Variants in ENTPD4 observed in about 807,000 individuals in gnomAD.
ENTPD4 encodes the protein ectonucleoside triphosphate diphosphohydrolase 4.
In ENTPD4, 60 loss-of-function variants were observed where a neutral mutation model predicts 79.1. That is an observed-to-expected ratio of 0.76 (90% confidence interval 0.62 to 0.94). ENTPD4 has a LOEUF of 0.94. Ranked by LOEUF, ENTPD4 falls within the 40% of genes least tolerant of loss-of-function variation. The pLI is 0.00. For missense variants in ENTPD4, 772 were observed against 775.1 expected (o/e 1.00, Z 0.05); for synonymous variants, 276 against 292.0 (o/e 0.95, Z 0.56).
At chr8:23,449,651 A>T (rs1800824509) in intron 2 of ENTPD4, among the ~76,000 whole-genome samples, 1 of 152,210 alleles carries the variant, frequency 6.6e-6, no homozygotes, top group African/African-American at 2.4e-5. Context: ...ATTAGGATTT[A>T]AAAAAATTTC....
intron 10 of ENTPD4, among the ~76,000 whole-genome samples, 194 bp from the exon 11 acceptor site, chr8:23,435,671 T>G (rs1440002068): frequency 1.3e-5 from 2 of 152,236 alleles, no homozygotes; most frequent in Admixed American, 6.5e-5. Context: ...ACACAATGCC[T>G]TGCCTTAAAA....
chr8:23,442,117 T>C (rs1350372420), intron 6 of ENTPD4, 51 bp from the exon 7 acceptor site: 1 of 1,337,130 alleles, frequency 7.5e-7, no homozygotes, highest in Non-Finnish European at 1.1e-6. Flanking sequence ...AAACATTTTG[T>C]GTAACTCCTA....
chr8:23,436,438 C>T (rs1800562221), intron 10 of ENTPD4, among the ~76,000 whole-genome samples: 1 of 151,968 alleles, frequency 6.6e-6, no homozygotes, highest in South Asian at 2.1e-4. Context: ...ATCTAGCAGG[C>T]AACCGGGCAG....
rs117490590 is a variant in ENTPD4, at chr8:23,439,528, C to T, written c.1049+221G>A. 3.1e-3 allele frequency among the ~76,000 whole-genome samples: 470 copies of T among 152,274 alleles called. 2 individuals are homozygous for T. The highest frequency in any genetic ancestry group is 4.9e-3 in the Non-Finnish European group (333 of 68,022). On this transcript the variant is annotated intron_variant, in intron 9 of 12. Transcript: ENST00000358689. ...ATCAGTTGAGATGCGGGTGAGAGAG[C>T]GCACGCACACACCTCCTTCAGGGCA...
rs1224447132 is a variant in ENTPD4, at chr8:23,450,004, C to T, written c.-97-7G>A. On this transcript the variant is annotated splice_region_variant and splice_polypyrimidine_tract_variant and intron_variant, in intron 1 of 12. Coordinates refer to ENST00000358689, the MANE Select transcript of ENTPD4 (RefSeq NM_004901.5). Reference sequence around the variant, plus strand: ...TCACGGAGTTAGAGCCCTCCTGTTCCAGGAAGTGAGACAAATCACAAAGAT... The same window carrying T: ...TCACGGAGTTAGAGCCCTCCTGTTCTAGGAAGTGAGACAAATCACAAAGAT... The T allele has an allele frequency of 2.8e-6, 4 of 1,434,422 alleles. No homozygotes were observed. The highest frequency in any genetic ancestry group is 2.3e-5 in the East Asian group (1 of 43,970). The allele number at this position is 1,434,422 out of a possible 1,614,324, so 88.9% of individuals were successfully genotyped here.
rs368920976 is a variant in ENTPD4 at position 23,433,181 on chromosome 8, A to AT, written c.1623-28_1623-27insA. On this transcript the variant is annotated intron_variant, in intron 12 of 12. Coordinates refer to ENST00000358689, the MANE Select transcript of ENTPD4 (RefSeq NM_004901.5). ...TGCCCATGTGAACACCAAACAACAAACAGGACAGTAAGCAAGGAAAGGGGT... is the reference window on the plus strand; with the variant it reads ...TGCCCATGTGAACACCAAACAACAAATCAGGACAGTAAGCAAGGAAAGGGGT... 8.9e-4 allele frequency: 1,416 copies of AT among 1,595,034 alleles called. 16 individuals are homozygous for AT. In the African/African-American group the frequency reaches 0.017, roughly 19 times the overall value.
Position 23,429,764 on chromosome 8 carries a change from A to T in ENTPD4, c.*3162T>A. On this transcript the variant is annotated 3_prime_UTR_variant, in exon 13 of 13. Transcript: ENST00000358689. ...CCCCATGTTACTGGCCTCAGCCACC[A>T]GCAGCGTCTTCACTCCGCCCAGGTC... 1.0e-6 allele frequency: 1 copy of T among 985,482 alleles called. No homozygotes were observed. Among genetic ancestry groups the T allele is most frequent in the South Asian group, 4.7e-5 (1 of 21,292 alleles). The allele number at this position is 985,482 out of a possible 1,614,324, so 61.0% of individuals were successfully genotyped here. A position where few individuals can be genotyped will look rare whatever the true frequency, so the allele number is the denominator to read the frequency against.
At chr8:23,444,115 T>C (rs1395821002) in intron 5 of ENTPD4, among the ~76,000 whole-genome samples, 162 bp from the exon 6 acceptor site, 1 of 145,936 alleles carries the variant, frequency 6.9e-6, no homozygotes, top group African/African-American at 2.7e-5. Context: ...GGAAAGATTA[T>C]ATTAGGAATG....
At chr8:23,436,815 T>C in intron 10 of ENTPD4, 119 bp downstream of exon 10, 1 of 814,262 alleles carries the variant, frequency 1.2e-6, no homozygotes. Context: ...CCCAACATGC[T>C]GCAGTGCAGC....
chr8:23,430,882 T>C lies in ENTPD4; in HGVS notation c.*2044A>G. 1.0e-6 allele frequency: 1 copy of C among 985,484 alleles called. No homozygotes were observed. The highest frequency in any genetic ancestry group is 4.7e-5 in the South Asian group (1 of 21,280). The allele number at this position is 985,484 out of a possible 1,614,324, so 61.0% of individuals were successfully genotyped here. A position where few individuals can be genotyped will look rare whatever the true frequency, so the allele number is the denominator to read the frequency against. On this transcript the variant is annotated 3_prime_UTR_variant, in exon 13 of 13. Coordinates refer to ENST00000358689, the MANE Select transcript of ENTPD4 (RefSeq NM_004901.5). ...TCCTCCAGGAAGTGTCGCAGGCAGGTGGCCAAGACCAACTTATTAGGTAGC... is the reference window on the plus strand; with the variant it reads ...TCCTCCAGGAAGTGTCGCAGGCAGGCGGCCAAGACCAACTTATTAGGTAGC...
intron 1 of ENTPD4, among the ~76,000 whole-genome samples, chr8:23,454,969 C>A (rs1800932517): frequency 6.6e-6 from 1 of 152,138 alleles, no homozygotes; most frequent in Admixed American, 6.5e-5. Context: ...TCAGTAATAC[C>A]ACATAAAACT....
At chr8:23,456,452 T>C (rs1215556193) in intron 1 of ENTPD4, among the ~76,000 whole-genome samples, 2 of 152,232 alleles carry the variant, frequency 1.3e-5, no homozygotes, top group Non-Finnish European at 2.9e-5. Context: ...TAAATAAACA[T>C]GCTGAGTAAA....
rs1270499521 is a variant in ENTPD4, at chr8:23,429,573, T to C, written c.*3353A>G. 2.0e-6 allele frequency: 2 copies of C among 985,338 alleles called. No homozygotes were observed. The highest frequency in any genetic ancestry group is 2.4e-6 in the Non-Finnish European group (2 of 829,924). The allele number at this position is 985,338 out of a possible 1,614,324, so 61.0% of individuals were successfully genotyped here. ...AAACTCATTTGCCATTTTTAGTTTCTTGCTAAGTGATACATGCTCCTTATA... is the reference window on the plus strand; with the variant it reads ...AAACTCATTTGCCATTTTTAGTTTCCTGCTAAGTGATACATGCTCCTTATA... On this transcript the variant is annotated 3_prime_UTR_variant, in exon 13 of 13. Coordinates refer to ENST00000358689, the MANE Select transcript of ENTPD4 (RefSeq NM_004901.5).
At position 23,429,808 on chromosome 8, in the gene ENTPD4, C is replaced by G. The variant is rs1800424285; in HGVS notation, c.*3118G>C. 1 of 985,328 alleles carries G rather than the reference C, an allele frequency of 1.0e-6. No homozygotes were observed. The highest frequency in any genetic ancestry group is 1.2e-6 in the Non-Finnish European group (1 of 829,944). 61.0% of individuals were successfully genotyped at this position (985,328 alleles called of 1,614,324 possible). A position where few individuals can be genotyped will look rare whatever the true frequency, so the allele number is the denominator to read the frequency against. On this transcript the variant is annotated 3_prime_UTR_variant, in exon 13 of 13. Transcript: ENST00000358689. ...CCAGGTCAGAAAGCACTGCCTAAAG[C>G]CGGAGCTTAGGATGAACATGGGCAA...
At position 23,437,867 on chromosome 8, in the gene ENTPD4, G is replaced by A. The variant is rs548346299; in HGVS notation, c.1050-609C>T. Among the ~76,000 whole-genome samples the A allele has an allele frequency of 1.5e-4, 23 of 152,300 alleles. No individual in the cohort carries two copies. In the South Asian group the frequency reaches 4.8e-3, roughly 32 times the overall value. On this transcript the variant is annotated intron_variant, in intron 9 of 12. Coordinates refer to ENST00000358689, the MANE Select transcript of ENTPD4 (RefSeq NM_004901.5). The stretch of plus-strand genomic sequence containing the variant: ...CAGTGCATGCCAAAGAAAGGATGGA[G>A]TCTAAAAACAGACCTTGGTTCAGAG...
intron 4 of ENTPD4, among the ~76,000 whole-genome samples, chr8:23,447,358 G>A (rs1800779598): frequency 6.6e-6 from 1 of 152,174 alleles, no homozygotes; most frequent in South Asian, 2.1e-4. Context: ...ATTAAGGATA[G>A]AGACCAATGG....
At chr8:23,450,411 G>A (rs1243347979) in intron 1 of ENTPD4, among the ~76,000 whole-genome samples, 3 of 152,190 alleles carry the variant, frequency 2.0e-5, no homozygotes, top group African/African-American at 7.2e-5. Flanking sequence ...TACTGTGCAA[G>A]GCACTTTGTC....
intron 1 of ENTPD4, among the ~76,000 whole-genome samples, chr8:23,455,336 T>C (rs1183644383): frequency 6.6e-6 from 1 of 152,198 alleles, no homozygotes; most frequent in African/African-American, 2.4e-5. Context: ...CAGAAAAGAA[T>C]GATTTGAATA....
intron 2 of ENTPD4, 117 bp from the exon 3 acceptor site, chr8:23,449,056 G>C (rs1056651985): frequency 8.0e-6 from 6 of 750,792 alleles, no homozygotes; most frequent in Admixed American, 7.7e-5. Context: ...CTAACTGTAG[G>C]TATCTGTATA....
Sources: gnomAD v4.1 joint callset for allele counts (sites outside exome capture counted in the v4.1 genomes callset) on GRCh38, gnomAD v4.1.1 for gene constraint, MANE v1.5 for transcripts, NCBI Gene and HGNC (gene_info 2026-07-23, HGNC 2026-07-21) for gene names.